EYS: variants seen among roughly 807,000 people sequenced by gnomAD.
EYS encodes the protein EGF-like photoreceptor maintenance factor, also known as protein eyes shut homolog.
Under a neutral mutation model 282.1 loss-of-function variants are expected in EYS, and 250 were observed. The observed-to-expected ratio is 0.89, with a 90% CI of 0.80 to 0.98. The LOEUF is 0.98. EYS is among the 50% of genes least tolerant of loss of function. The pLI, the probability that EYS is intolerant of heterozygous loss-of-function variation, is 0.00. For synonymous variants in EYS, 1,355 were observed against 1,282.9 expected, an observed-to-expected ratio of 1.06 and a Z score of -1.20; for missense variants, 4,016 against 3,709.0, an observed-to-expected ratio of 1.08 and a Z score of -2.15.
At chr6:63,738,377 C>T (rs1316111044) in intron 41 of EYS, among the ~76,000 whole-genome samples, 1 of 151,930 alleles carries the variant, frequency 6.6e-6, no homozygotes, top group Non-Finnish European at 1.5e-5. Flanking sequence ...GAAAATGTGG[C>T]ACATATACAC....
chr6:63,805,922 T>C (rs577471971), intron 37 of EYS, among the ~76,000 whole-genome samples: 1 of 152,306 alleles, frequency 6.6e-6, no homozygotes, highest in African/African-American at 2.4e-5. Context: ...TTCTTTCCTT[T>C]GTAAATTACC....
At chr6:64,632,061 G>A (rs780192155) in intron 22 of EYS, among the ~76,000 whole-genome samples, 1 of 90,612 alleles carries the variant, frequency 1.1e-5, no homozygotes, top group Non-Finnish European at 2.4e-5. Context: ...AGGAAGGAAC[G>A]ATGTTATGAC....
chr6:64,636,661 G>A (rs34751241), intron 22 of EYS, among the ~76,000 whole-genome samples: 90,472 of 151,118 alleles, frequency 0.6, 27,205 homozygotes, highest in South Asian at 0.68. Flanking sequence ...GCAACCTACA[G>A]AATGGGAGAA....
intron 22 of EYS, among the ~76,000 whole-genome samples, chr6:64,753,180 G>A (rs1398342218): frequency 1.3e-5 from 2 of 152,050 alleles, no homozygotes; most frequent in Non-Finnish European, 2.9e-5. Flanking sequence ...TATAAAATAA[G>A]TATACAATTG....
chr6:64,186,118 GCAGCGACTCCTCAGGTCC>G (rs1562243435), intron 31 of EYS, among the ~76,000 whole-genome samples: 1 of 152,062 alleles, frequency 6.6e-6, no homozygotes, highest in Non-Finnish European at 1.5e-5. Flanking sequence ...CTTGTACAGG[GCAGCGACTCCTCAGGTCC>G]CACCAAAGGC....
chr6:64,756,515 T>C (rs1016905062), intron 22 of EYS, among the ~76,000 whole-genome samples: 5 of 152,210 alleles, frequency 3.3e-5, no homozygotes, highest in African/African-American at 1.2e-4. Flanking sequence ...TAAGGTGTGC[T>C]GATTTATCAA....
At chr6:63,730,354 C>T (rs765764510) in intron 41 of EYS, among the ~76,000 whole-genome samples, 6 of 152,132 alleles carry the variant, frequency 3.9e-5, no homozygotes, top group Non-Finnish European at 8.8e-5. Flanking sequence ...CTTTTGAAAA[C>T]ATCAATTCAT....
Position 65,178,859 on chromosome 6 carries a change from G to A in EYS, c.2023+117004C>T, listed in dbSNP as rs371252970. On this transcript the variant is annotated intron_variant, in intron 12 of 42. Coordinates refer to ENST00000503581, the MANE Select transcript of EYS (RefSeq NM_001142800.2). ...AAAAGAACAGAAATTATAACAAACT[G>A]TCTCTCAGACCACAGTGCAATCAAA... is the stretch of plus-strand genomic sequence containing the variant. Among the ~76,000 whole-genome samples, 81 of 151,842 alleles carry A rather than the reference G, an allele frequency of 5.3e-4. 1 individual carries two copies. In the East Asian group the frequency reaches 0.013, roughly 24 times the overall value.
At chr6:65,042,154 A>T (rs1772956941) in intron 13 of EYS, among the ~76,000 whole-genome samples, 1 of 151,542 alleles carries the variant, frequency 6.6e-6, no homozygotes, top group African/African-American at 2.4e-5. Context: ...CTGGTCTGGG[A>T]TCTATTTGTT....
intron 35 of EYS, among the ~76,000 whole-genome samples, chr6:63,900,358 T>C (rs67765462): frequency 6.6e-6 from 1 of 151,994 alleles, no homozygotes; most frequent in Non-Finnish European, 1.5e-5. Flanking sequence ...TACCAGAAAA[T>C]AAGTACAATG....
intron 26 of EYS, among the ~76,000 whole-genome samples, chr6:64,493,388 C>T (rs1027855010): frequency 6.6e-6 from 1 of 151,294 alleles, no homozygotes; most frequent in Non-Finnish European, 1.5e-5. Flanking sequence ...CAGGCAAAAG[C>T]CAAACTATTG....
chr6:64,171,769 T>A (rs1375248122), intron 31 of EYS, among the ~76,000 whole-genome samples: 3 of 152,284 alleles, frequency 2.0e-5, no homozygotes, highest in Non-Finnish European at 4.4e-5. Context: ...TGGGTTTATT[T>A]CTCTGCCATT....
intron 31 of EYS, among the ~76,000 whole-genome samples, chr6:64,163,149 A>G (rs939645132): frequency 1.3e-5 from 2 of 152,250 alleles, no homozygotes; most frequent in African/African-American, 2.4e-5. Context: ...TTTAACAGGT[A>G]AAAAAGCCTA....
intron 14 of EYS, among the ~76,000 whole-genome samples, chr6:64,963,589 A>AT (rs1769997794): frequency 6.6e-6 from 1 of 152,212 alleles, no homozygotes; most frequent in Admixed American, 6.6e-5. Flanking sequence ...GCACGATAGC[A>AT]TAATTTGGCC....
intron 12 of EYS, among the ~76,000 whole-genome samples, chr6:65,293,702 G>A (rs1296087679): frequency 6.6e-6 from 1 of 151,806 alleles, no homozygotes; most frequent in African/African-American, 2.4e-5. Context: ...GGACGCTAGA[G>A]CTACCAACTG....
At chr6:64,573,389 C>T (rs914888893) in intron 26 of EYS, among the ~76,000 whole-genome samples, 13 of 152,092 alleles carry the variant, frequency 8.5e-5, no homozygotes. Context: ...ATGACTAAAA[C>T]ACCAAAAACA....
chr6:64,601,479 C>G (rs1321749095), intron 24 of EYS, among the ~76,000 whole-genome samples: 2 of 151,996 alleles, frequency 1.3e-5, no homozygotes, highest in Non-Finnish European at 1.5e-5. Context: ...TCATTATCTT[C>G]TATCTCACAC....
chr6:65,620,174 C>T (rs1410059599), intron 2 of EYS, among the ~76,000 whole-genome samples: 1 of 152,158 alleles, frequency 6.6e-6, no homozygotes, highest in African/African-American at 2.4e-5. Context: ...GCTGTGAATC[C>T]ATCTGGCCCT....
chr6:64,951,881 T>C (rs536452457), intron 14 of EYS, among the ~76,000 whole-genome samples: 25 of 151,808 alleles, frequency 1.6e-4, no homozygotes, highest in African/African-American at 6.0e-4. Flanking sequence ...AAAACGAAGG[T>C]AGAGAAATTG....
Sources: gnomAD v4.1 joint callset for allele counts (sites outside exome capture counted in the v4.1 genomes callset) on GRCh38, gnomAD v4.1.1 for gene constraint, MANE v1.5 for transcripts, NCBI Gene and HGNC (gene_info 2026-07-23, HGNC 2026-07-21) for gene names.